The following TAB1 variants were observed in gnomAD, a reference collection of about 807,000 sequenced individuals.
TAB1 encodes the protein TGF-beta-activated kinase 1 and MAP3K7-binding protein 1.
In TAB1, 30 loss-of-function variants were observed where a neutral mutation model predicts 54.5. That is an observed-to-expected ratio of 0.55 (90% confidence interval 0.41 to 0.75). The LOEUF (loss-of-function observed/expected upper bound fraction) is 0.75. Ranked by LOEUF, TAB1 falls within the 30% of genes least tolerant of loss-of-function variation. The pLI is 0.00. For synonymous variants in TAB1, 289 were observed against 286.9 expected, an observed-to-expected ratio of 1.01 and a Z score of -0.07; for missense variants, 609 against 683.2, an observed-to-expected ratio of 0.89 and a Z score of 1.21.
chr22:39,418,694 T>C, intron 5 of TAB1, 38 bp from the exon 6 acceptor site: 1 of 1,437,756 alleles, frequency 7.0e-7, no homozygotes, highest in South Asian at 1.1e-5. Context: ...TTTCTCTCTG[T>C]GTGTAGTCTT....
chr22:39,431,857 G>A lies in TAB1; in HGVS notation c.*1635G>A, dbSNP rs1448594015. The stretch of plus-strand genomic sequence containing the variant: ...TTAATGTAGTAAAGAAGTAATAAAT[G>A]GTGGCATTACACATTGTGATATTAA... On this transcript the variant is annotated 3_prime_UTR_variant, in exon 11 of 11. Transcript: ENST00000216160. 4.1e-6 allele frequency: 4 copies of A among 985,326 alleles called. No individual in the cohort carries two copies. The Admixed American group carries it at 2.5e-4, about 61-fold the overall frequency. The allele number at this position is 985,326 out of a possible 1,614,324, so 61.0% of individuals were successfully genotyped here.
At chr22:39,409,846 G>A (rs965132172) in intron 1 of TAB1, among the ~76,000 whole-genome samples, 29 of 152,136 alleles carry the variant, frequency 1.9e-4, no homozygotes, top group Non-Finnish European at 3.8e-4. Flanking sequence ...TCTCTCCCTA[G>A]AAGGGAGGCT....
intron 1 of TAB1, among the ~76,000 whole-genome samples, chr22:39,401,657 G>C (rs971859357): frequency 6.6e-6 from 1 of 152,220 alleles, no homozygotes; most frequent in East Asian, 1.9e-4. Flanking sequence ...ACTAGCCCCA[G>C]AATGTGTTTC....
intron 1 of TAB1, among the ~76,000 whole-genome samples, chr22:39,400,741 A>G (rs34418824): frequency 0.042 from 6,351 of 152,296 alleles, 457 homozygotes; most frequent in African/African-American, 0.15. Context: ...CTCCTGTACT[A>G]GAAAGTAAAC....
At position 39,431,130 on chromosome 22, in the gene TAB1, C is replaced by T; in HGVS notation, c.*908C>T. On this transcript the variant is annotated 3_prime_UTR_variant, in exon 11 of 11. Coordinates refer to ENST00000216160, the MANE Select transcript of TAB1 (RefSeq NM_006116.3). ...TAGCAAGCAGGGGTTGTGAGTCAGGCTGGGGGACTTGTTTGAAAGAAAGAG... is the reference window on the plus strand; with the variant it reads ...TAGCAAGCAGGGGTTGTGAGTCAGGTTGGGGGACTTGTTTGAAAGAAAGAG... The T allele has an allele frequency of 7.1e-6, 7 of 985,822 alleles. No homozygotes were observed. Among genetic ancestry groups the T allele is most frequent in the Non-Finnish European group, 8.4e-6 (7 of 830,258 alleles). The allele number at this position is 985,822 out of a possible 1,614,324, so 61.1% of individuals were successfully genotyped here.
rs756738890 is a variant in TAB1 at position 39,425,873 on chromosome 22, C to CT, written c.922-813dup. ...ATGCTTTTTCAACTTACGATATTTT[C>CT]TTTTTTTTTTTTTTTTTGAGACAGA... On this transcript the variant is annotated intron_variant, in intron 8 of 10. Transcript: ENST00000216160. Among the ~76,000 whole-genome samples the CT allele has an allele frequency of 8.9e-3, 1,197 of 134,616 alleles. 15 individuals carry two copies. Among genetic ancestry groups the CT allele is most frequent in the East Asian group, 0.046 (214 of 4,654 alleles). The allele number at this position is 134,616 out of a possible 152,430, so 88.3% of individuals were successfully genotyped here. A position where few individuals can be genotyped will look rare whatever the true frequency, so the allele number is the denominator to read the frequency against.
At chr22:39,420,810 TGTGTGTGTTTGTC>T (rs1927042837) in intron 7 of TAB1, among the ~76,000 whole-genome samples, 1 of 148,218 alleles carries the variant, frequency 6.7e-6, no homozygotes, top group Non-Finnish European at 1.5e-5. Context: ...TGTGTGTGTG[TGTGTGTGTTTGTC>T]CTGGGGGCCA....
chr22:39,425,747 C>T (rs552230667), intron 8 of TAB1, among the ~76,000 whole-genome samples: 77 of 151,260 alleles, frequency 5.1e-4, no homozygotes, highest in Middle Eastern at 3.5e-3. Context: ...GGGGTTTCAC[C>T]GTATTAGCCA....
At chr22:39,431,971 C>T (rs1222807129), downstream of TAB1, 29 of 749,826 alleles carry the variant, frequency 3.9e-5, no homozygotes, top group Admixed American at 6.3e-5. Flanking sequence ...TTCAAGAACT[C>T]GGCTCGCCAG....
chr22:39,413,563 T>C (rs539236453), intron 1 of TAB1, among the ~76,000 whole-genome samples: 53 of 152,122 alleles, frequency 3.5e-4, no homozygotes, highest in Non-Finnish European at 7.1e-4. Context: ...ATTACAGGCA[T>C]GCACCACCAT....
chr22:39,412,041 G>C (rs767296203), intron 1 of TAB1, among the ~76,000 whole-genome samples: 20 of 152,052 alleles, frequency 1.3e-4, no homozygotes, highest in Non-Finnish European at 2.2e-4. Flanking sequence ...GTTTTGTTTT[G>C]TTTTGTTTTG....
At chr22:39,416,761 C>T in intron 3 of TAB1, 30 bp from the exon 4 acceptor site, 2 of 1,609,146 alleles carry the variant, frequency 1.2e-6, no homozygotes, top group African/African-American at 1.3e-5. Context: ...TGTTTTGAAC[C>T]AGCCTTTGCC....
downstream of TAB1, among the ~76,000 whole-genome samples, chr22:39,435,980 T>A (rs12160064): frequency 4.4e-3 from 665 of 152,208 alleles, 4 homozygotes; most frequent in African/African-American, 0.016. Flanking sequence ...GCTCAGCTTT[T>A]TAAAAAAATA....
intron 1 of TAB1, among the ~76,000 whole-genome samples, chr22:39,404,524 C>T (rs1261984441): frequency 6.6e-6 from 1 of 151,708 alleles, no homozygotes; most frequent in Non-Finnish European, 1.5e-5. Flanking sequence ...GCTATGATCC[C>T]CTCACTGCAC....
intron 1 of TAB1, 126 bp downstream of exon 1, chr22:39,399,961 C>A (rs760834047): frequency 1.9e-6 from 2 of 1,058,752 alleles, no homozygotes; most frequent in Admixed American, 4.4e-5. Context: ...GTGTCAGCCA[C>A]CTTCTCCTCT....
chr22:39,429,491 T>C (rs1052180262), intron 10 of TAB1: 1 of 571,714 alleles, frequency 1.7e-6, no homozygotes, highest in Non-Finnish European at 2.2e-6. Flanking sequence ...CTTTCCATTT[T>C]TTTGAGACGG....
At chr22:39,418,190 G>A (rs1198513793) in intron 5 of TAB1, among the ~76,000 whole-genome samples, 2 of 152,220 alleles carry the variant, frequency 1.3e-5, no homozygotes, top group African/African-American at 2.4e-5. Context: ...GAACAGCTGC[G>A]AGATGGGGCT....
At position 39,426,795 on chromosome 22, in the gene TAB1, C is replaced by T. The variant is rs765228657; in HGVS notation, c.1014C>T (p.His338=). 1.9e-6 allele frequency: 3 copies of T among 1,613,976 alleles called. No homozygotes were observed. The highest frequency in any genetic ancestry group is 2.5e-6 in the Non-Finnish European group (3 of 1,180,060). The change falls in exon 9 of 11, where the codon CAC becomes CAT. Residue 338 remains histidine, a synonymous_variant. Coordinates refer to ENST00000216160, the MANE Select transcript of TAB1 (RefSeq NM_006116.3). ...TCGTGGACCGGGTGAAGCGCATCCA[C>T]AGCGACACCTTCGCCAGTGGTGGGG... The part of the protein sequence containing the change: ...QAVVDRVKRI[H]SDTFASGGER...
At chr22:39,418,882 T>C (rs751995414) in intron 6 of TAB1, 37 bp downstream of exon 6, 2 of 1,523,324 alleles carry the variant, frequency 1.3e-6, no homozygotes, top group Admixed American at 3.3e-5. Flanking sequence ...CTGATCCCCA[T>C]GGGCTCACCC....
Sources: allele counts gnomAD v4.1 joint callset (sites outside exome capture counted in the v4.1 genomes callset), GRCh38; gene constraint gnomAD v4.1.1; transcripts MANE v1.5; gene names NCBI Gene and HGNC (gene_info 2026-07-23, HGNC 2026-07-21).